EDNRA: variants seen among roughly 807,000 people sequenced by gnomAD.
EDNRA encodes the protein endothelin-1 receptor.
Under a neutral mutation model 41.4 loss-of-function variants are expected in EDNRA, and 11 were observed. That is an observed-to-expected ratio of 0.27 (90% CI 0.17 to 0.44). The LOEUF is 0.44. EDNRA is among the 20% of genes least tolerant of loss of function. The pLI is 1.00. For synonymous variants in EDNRA, 172 were observed against 183.0 expected (o/e 0.94, Z 0.49); for missense variants, 294 against 531.0 (o/e 0.55, Z 4.39).
chr4:147,519,807 G>A lies in EDNRA; in HGVS notation c.421-44G>A, dbSNP rs772757843. 49 of 1,603,378 alleles carry A rather than the reference G, an allele frequency of 3.1e-5. 1 individual carries two copies. Among genetic ancestry groups the A allele is most frequent in the South Asian group, 2.4e-4 (22 of 89,878 alleles). On this transcript the variant is annotated intron_variant, in intron 2 of 7. Transcript: ENST00000651419. The surrounding 1 kb of genome is among the most constrained non-coding windows in gnomAD (Gnocchi z 4.1). ...AAAACTGTAAGTGCCCACATGCTCC[G>A]TGCCAGCTCTACCATTTCTTACCAC...
rs1025460460 is a variant in EDNRA at position 147,518,750 on chromosome 4, C to CA, written c.421-1091dup. On this transcript the variant is annotated intron_variant, in intron 2 of 7. Transcript: ENST00000651419. ...AGTTACTATGGCAAAAAGAACTTTTCAAAAAAAAAAGAAAAAGGAGTTTGT... is the reference window on the plus strand; with the variant it reads ...AGTTACTATGGCAAAAAGAACTTTTCAAAAAAAAAAAGAAAAAGGAGTTTGT... 1.3e-4 allele frequency among the ~76,000 whole-genome samples: 19 copies of CA among 143,696 alleles called. 1 individual carries two copies. In the East Asian group the frequency reaches 1.6e-3, roughly 12 times the overall value. 94.3% of individuals were successfully genotyped at this position (143,696 alleles called of 152,430 possible).
rs573639201 is a variant in EDNRA, at chr4:147,535,912, G to T, written c.783G>T (p.Gly261=). Residue 261 remains glycine (G), a synonymous_variant, in exon 5 of 8, where the codon GGG becomes GGT. Transcript: ENST00000651419. The stretch of plus-strand genomic sequence containing the variant: ...ATGTAAAGGACTGGTGGCTCTTCGG[G>T]TTCTATTTCTGTATGCCCTTGGTGT... ...YQDVKDWWLF[G]FYFCMPLVCT... The T allele has an allele frequency of 6.2e-7, 1 of 1,613,474 alleles. No individual in the cohort carries two copies. Among genetic ancestry groups the T allele is most frequent in the Non-Finnish European group, 8.5e-7 (1 of 1,179,776 alleles).
At chr4:147,520,351 G>A (rs1310244019) in intron 3 of EDNRA, 2 of 516,332 alleles carry the variant, frequency 3.9e-6, no homozygotes, top group African/African-American at 3.9e-5. Flanking sequence ...AATTATATCT[G>A]TAATGTTTAA....
At chr4:147,536,670 T>C (rs1730931418) in intron 5 of EDNRA, among the ~76,000 whole-genome samples, 1 of 152,194 alleles carries the variant, frequency 6.6e-6, no homozygotes, top group Non-Finnish European at 1.5e-5. Flanking sequence ...TAGAGCAATG[T>C]CTAATGTGAG....
At chr4:147,496,100 G>T (rs1317686681) in intron 2 of EDNRA, 1 of 152,032 alleles carries the variant, frequency 6.6e-6, no homozygotes, top group East Asian at 1.9e-4. Context: ...AAATATGAAA[G>T]GTAATGGATA....
intron 2 of EDNRA, among the ~76,000 whole-genome samples, chr4:147,517,278 G>A (rs1730147249): frequency 1.3e-5 from 2 of 152,198 alleles, no homozygotes; most frequent in Admixed American, 6.5e-5. Flanking sequence ...CCCACTGTTT[G>A]CCTCCATGAG....
intron 1 of EDNRA, among the ~76,000 whole-genome samples, chr4:147,481,816 T>C (rs1259858389): frequency 6.6e-6 from 1 of 152,222 alleles, no homozygotes; most frequent in African/African-American, 2.4e-5. Flanking sequence ...CATCTGGGTC[T>C]GGGTATGCCA....
intron 2 of EDNRA, among the ~76,000 whole-genome samples, chr4:147,505,738 T>A (rs1255309995): frequency 8.0e-5 from 11 of 137,718 alleles, no homozygotes; most frequent in Non-Finnish European, 1.4e-4. Context: ...AAGCTCCGCC[T>A]CCTGGGTTCA....
At chr4:147,536,174 T>C in intron 5 of EDNRA, 145 bp downstream of exon 5, 2 of 1,036,846 alleles carry the variant, frequency 1.9e-6, no homozygotes, top group Non-Finnish European at 2.7e-6. Context: ...ATAGTAATAG[T>C]GTTAGAAATT....
chr4:147,539,401 C>T (rs1218371862), intron 5 of EDNRA, among the ~76,000 whole-genome samples: 1 of 151,818 alleles, frequency 6.6e-6, no homozygotes, highest in East Asian at 1.9e-4. Context: ...TAATTAGTTA[C>T]CTGTTATTAA....
intron 1 of EDNRA, among the ~76,000 whole-genome samples, chr4:147,483,978 C>G (rs1487784982): frequency 6.6e-6 from 1 of 152,082 alleles, no homozygotes; most frequent in Non-Finnish European, 1.5e-5. Flanking sequence ...GCTTTGGCCT[C>G]CCAAAGTGCT....
At chr4:147,507,276 T>C (rs908612673) in intron 2 of EDNRA, among the ~76,000 whole-genome samples, 1 of 151,258 alleles carries the variant, frequency 6.6e-6, no homozygotes, top group African/African-American at 2.4e-5. Context: ...AGCCAAACCC[T>C]GAAGACAACT....
intron 3 of EDNRA, among the ~76,000 whole-genome samples, chr4:147,527,807 A>G (rs975445498): frequency 6.6e-6 from 1 of 152,180 alleles, no homozygotes; most frequent in African/African-American, 2.4e-5. Flanking sequence ...ATATAATGCA[A>G]AAAGGCTCTA....
chr4:147,527,267 A>G (rs1432255891), intron 3 of EDNRA, among the ~76,000 whole-genome samples: 14 of 152,214 alleles, frequency 9.2e-5, no homozygotes, highest in Admixed American at 9.2e-4. Context: ...AAGAGAAAAA[A>G]AATTATGTGT....
intron 2 of EDNRA, chr4:147,492,205 T>G (rs1454831879): frequency 6.6e-6 from 1 of 152,262 alleles, no homozygotes; most frequent in East Asian, 1.9e-4. Context: ...TGCCAGCTCC[T>G]TGGCCTGTCT....
At chr4:147,493,398 G>C (rs1299767960) in intron 2 of EDNRA, 5 of 152,064 alleles carry the variant, frequency 3.3e-5, no homozygotes, top group Admixed American at 3.3e-4. Context: ...ATTATACAAA[G>C]TATATACAGT....
In EDNRA at chr4:147,536,001, G is replaced by T; in HGVS notation, c.872G>T (p.Arg291Ile). 1.2e-6 allele frequency: 2 copies of T among 1,613,980 alleles called. No homozygotes were observed. The highest frequency in any genetic ancestry group is 1.6e-4 in the Middle Eastern group (1 of 6,062). ...TTGAACAGAAGGAATGGCAGCTTGA[G>T]AATTGCCCTCAGTGAACATCTTAAG... ...EMLNRRNGSL[R>I]IALSEHLKQR... The change falls in exon 5 of 8, where the codon AGA becomes ATA. Residue 291 changes from arginine to isoleucine, a missense_variant. By Grantham distance (97) the Arg-to-Ile change is moderately conservative (BLOSUM62 -3). Transcript: ENST00000651419.
chr4:147,542,383 A>T (rs1308515749), intron 7 of EDNRA, 95 bp from the exon 8 acceptor site: 4 of 1,537,644 alleles, frequency 2.6e-6, no homozygotes, highest in Non-Finnish European at 2.6e-6. Flanking sequence ...ATGCGAATGG[A>T]CATTTGCCCC....
chr4:147,497,424 A>G (rs1031535444), intron 2 of EDNRA, among the ~76,000 whole-genome samples: 1 of 151,978 alleles, frequency 6.6e-6, no homozygotes, highest in East Asian at 1.9e-4. Flanking sequence ...TCCCAGATCA[A>G]CTCACACATT....
Sources: allele counts gnomAD v4.1 joint callset (sites outside exome capture counted in the v4.1 genomes callset), GRCh38; gene constraint gnomAD v4.1.1; non-coding constraint Gnocchi (gnomAD v3.1); transcripts MANE v1.5; gene names NCBI Gene and HGNC (gene_info 2026-07-23, HGNC 2026-07-21).